TENM2: variants seen among roughly 807,000 people sequenced by gnomAD.
TENM2 encodes the protein teneurin transmembrane protein 2, also known as teneurin-2.
TENM2 carries 52 observed loss-of-function variants against 245.2 expected under a neutral mutation model. That is an observed-to-expected ratio of 0.21 (90% confidence interval 0.17 to 0.27). TENM2 has a LOEUF of 0.27. TENM2 is among the 10% of genes least tolerant of loss of function. The pLI, the probability that TENM2 is intolerant of heterozygous loss-of-function variation, is 1.00. For missense variants in TENM2, 3,046 were observed against 3,666.8 expected (o/e 0.83, Z 4.37); for synonymous variants, 1,363 against 1,438.9 (o/e 0.95, Z 1.19).
chr5:167,971,305 A>T (rs1215636998), intron 4 of TENM2, among the ~76,000 whole-genome samples: 1 of 152,142 alleles, frequency 6.6e-6, no homozygotes, highest in Non-Finnish European at 1.5e-5. Context: ...CAGATATGGA[A>T]AAAAATAGAT....
chr5:167,995,490 C>A (rs1038727148), intron 5 of TENM2, among the ~76,000 whole-genome samples: 17 of 152,040 alleles, frequency 1.1e-4, no homozygotes, highest in Non-Finnish European at 4.4e-5. Flanking sequence ...ATATAATGGG[C>A]CAATTTACCC....
rs1785501259 is a variant in TENM2, at chr5:168,014,431, TTTAA to T, written c.1186+21253_1186+21256del. 5.3e-5 allele frequency among the ~76,000 whole-genome samples: 8 copies of T among 152,304 alleles called. No homozygotes were observed. In the South Asian group the frequency reaches 1.7e-3, roughly 32 times the overall value. On this transcript the variant is annotated intron_variant, in intron 5 of 28. Coordinates refer to ENST00000518659, the Ensembl canonical transcript of TENM2. ...GTGCGCTGGCCTCTGAGTCCTTGCA[TTTAA>T]TTATCATCTAGACTCTCTTAACCAC...
At chr5:167,249,187 A>C in the TENM2 span, among the ~76,000 whole-genome samples, 1 of 152,304 alleles carries the variant, frequency 6.6e-6, no homozygotes, top group East Asian at 1.9e-4. Flanking sequence ...TAGCCCCTTC[A>C]TCCATATCTT....
intron 2 of TENM2, among the ~76,000 whole-genome samples, chr5:167,592,881 T>C (rs1290089467): frequency 6.6e-6 from 1 of 152,168 alleles, no homozygotes; most frequent in Admixed American, 6.6e-5. Context: ...GATTCCAATA[T>C]AGATTCCAGT....
At chr5:167,805,799 A>G (rs1377995325) in intron 2 of TENM2, among the ~76,000 whole-genome samples, 1 of 152,066 alleles carries the variant, frequency 6.6e-6, no homozygotes, top group Admixed American at 6.6e-5. Context: ...TAGTTTCAGG[A>G]GTTTATTTAT....
At chr5:167,450,654 G>C (rs1029411033) in intron 2 of TENM2, among the ~76,000 whole-genome samples, 2 of 152,038 alleles carry the variant, frequency 1.3e-5, no homozygotes, top group African/African-American at 2.4e-5. Flanking sequence ...AATGGAGGGA[G>C]GATTAGAAAA....
rs530047910 is a variant in TENM2 at position 168,247,095 on chromosome 5, C to A, written c.6156C>A (p.Val2052=). The change falls in exon 27 of 29, where the codon GTC becomes GTA. Residue 2052 remains valine, a synonymous_variant. Coordinates refer to ENST00000518659, the Ensembl canonical transcript of TENM2. The surrounding 1 kb of genome is among the most constrained non-coding windows in gnomAD (Gnocchi z 7.8). ...AGACCACTGGTGTCTTGAAGATGGTCAACCTCCAAAGTGGGGGCTTCTCCT... is the reference window on the plus strand; with the variant it reads ...AGACCACTGGTGTCTTGAAGATGGTAAACCTCCAAAGTGGGGGCTTCTCCT... 2.7e-5 allele frequency: 43 copies of A among 1,613,928 alleles called. No homozygotes were observed. The South Asian group carries it at 4.5e-4, about 17-fold the overall frequency.
At chr5:167,493,652 T>C (rs1768590184) in intron 2 of TENM2, among the ~76,000 whole-genome samples, 1 of 152,142 alleles carries the variant, frequency 6.6e-6, no homozygotes. Context: ...AATTACATGA[T>C]ATCTTAGTTC....
At chr5:168,235,486 A>G (rs1309707676) in intron 25 of TENM2, among the ~76,000 whole-genome samples, 1 of 152,186 alleles carries the variant, frequency 6.6e-6, no homozygotes, top group East Asian at 1.9e-4. Context: ...ATACCTTAGC[A>G]AGGAGATAAT....
chr5:167,734,638 C>T (rs1023234987), intron 2 of TENM2, among the ~76,000 whole-genome samples: 6 of 152,072 alleles, frequency 3.9e-5, no homozygotes, highest in African/African-American at 7.2e-5. Context: ...GTTCTATCTA[C>T]ATTATTTGGA....
At chr5:167,797,644 T>C (rs1765417689) in intron 2 of TENM2, among the ~76,000 whole-genome samples, 1 of 152,180 alleles carries the variant, frequency 6.6e-6, no homozygotes, top group Non-Finnish European at 1.5e-5. Context: ...CAAAAAAATA[T>C]GTTCCTTTCA....
intron 2 of TENM2, among the ~76,000 whole-genome samples, chr5:167,602,020 G>A (rs1207285069): frequency 3.9e-4 from 41 of 104,010 alleles, no homozygotes; most frequent in African/African-American, 8.0e-4. Context: ...GGTATTATTG[G>A]ATAGAAAAAA....
intron 1 of TENM2, among the ~76,000 whole-genome samples, chr5:167,359,492 C>T (rs1227794168): frequency 6.6e-6 from 1 of 151,396 alleles, no homozygotes; most frequent in African/African-American, 2.4e-5. Flanking sequence ...CATGAATGGC[C>T]TTGCACTCTT....
the TENM2 span, among the ~76,000 whole-genome samples, chr5:167,012,633 C>G: frequency 4.6e-5 from 7 of 152,150 alleles, no homozygotes; most frequent in Non-Finnish European, 1.5e-5. Context: ...CCAAGGCTGC[C>G]ATGGAAGGTT....
At chr5:167,154,891 A>G in the TENM2 span, among the ~76,000 whole-genome samples, 3 of 152,232 alleles carry the variant, frequency 2.0e-5, no homozygotes, top group East Asian at 5.8e-4. Flanking sequence ...CTCAATAGAC[A>G]TAAGCTACTT....
the TENM2 span, among the ~76,000 whole-genome samples, chr5:167,159,735 A>G: frequency 6.6e-6 from 1 of 152,178 alleles, no homozygotes; most frequent in Admixed American, 6.5e-5. Flanking sequence ...CCCGCCCACA[A>G]GAGAACCCCC....
At chr5:167,114,532 A>C in the TENM2 span, among the ~76,000 whole-genome samples, 1 of 152,354 alleles carries the variant, frequency 6.6e-6, no homozygotes, top group African/African-American at 2.4e-5. Context: ...CTCTACAAGA[A>C]GGAACAATTA....
chr5:167,828,106 C>T (rs1474980964), intron 2 of TENM2, among the ~76,000 whole-genome samples: 1 of 152,182 alleles, frequency 6.6e-6, no homozygotes, highest in Non-Finnish European at 1.5e-5. Flanking sequence ...ATGTTAAATA[C>T]TATCTAATTT....
At chr5:167,084,187 A>G in the TENM2 span, among the ~76,000 whole-genome samples, 412 of 151,256 alleles carry the variant, frequency 2.7e-3, 7 homozygotes, top group East Asian at 0.038. Context: ...TTCCCTGAAC[A>G]GTGATAAGAT....
Sources: gnomAD v4.1 joint callset for allele counts (sites outside exome capture counted in the v4.1 genomes callset) on GRCh38, gnomAD v4.1.1 for gene constraint, Gnocchi (gnomAD v3.1) non-coding constraint, MANE v1.5 for transcripts, NCBI Gene and HGNC (gene_info 2026-07-23, HGNC 2026-07-21) for gene names.